PRRT4: variants seen among roughly 807,000 people sequenced by gnomAD.
PRRT4 encodes the protein proline-rich transmembrane protein 4.
A neutral mutation model predicts 55.6 loss-of-function variants in PRRT4; 59 were observed. That is an observed-to-expected ratio of 1.06 (90% CI 0.86 to 1.32). The LOEUF (loss-of-function observed/expected upper bound fraction) is 1.32, where lower values mean the gene tolerates loss of function less well. Ranked by LOEUF, PRRT4 falls within the 40% of genes most tolerant of loss-of-function variation. PRRT4 has a pLI of 0.00. For synonymous variants in PRRT4, 606 were observed against 601.8 expected (o/e 1.01, Z -0.10); for missense variants, 1,217 against 1,222.0 (o/e 1.00, Z 0.06).
exon 3 of PRRT4, chr7:128,359,161 A>T (rs1341011042): frequency 1.3e-6 from 2 of 1,551,748 alleles, no homozygotes; most frequent in East Asian, 2.4e-5. Context: ...AGAGAACCCG[A>T]AACTCCAGAG....
Position 128,351,175 on chromosome 7 carries a change from G to GC in PRRT4, c.2380dup (p.Ala794GlyfsTer75), listed in dbSNP as rs1331835764. The GC allele has an allele frequency of 6.5e-7, 1 of 1,544,362 alleles. No individual in the cohort carries two copies. The highest frequency in any genetic ancestry group is 2.0e-5 in the Admixed American group (1 of 50,970). The stretch of plus-strand genomic sequence containing the variant: ...TGAGACGCTGCTGCCTGCGGGCCAA[G>GC]CCCCAGGGGAGGGGAGCTCCGGGGG... On this transcript the variant is annotated frameshift_variant, in exon 5 of 5. Transcript: ENST00000535159. LOFTEE classifies it high-confidence loss of function.
In PRRT4 at chr7:128,355,818, T is replaced by C. The variant is rs1021146474; in HGVS notation, c.877+2863A>G. Among the ~76,000 whole-genome samples the C allele has an allele frequency of 2.6e-5, 4 of 152,150 alleles. No homozygotes were observed. The East Asian group carries it at 7.7e-4, about 29-fold the overall frequency. Reference sequence around the variant, plus strand: ...AGCCTGTCACCCCCTTACCACACCCTCTTTATTCACTGTACAGGTAAGTGC... The same window carrying C: ...AGCCTGTCACCCCCTTACCACACCCCCTTTATTCACTGTACAGGTAAGTGC... On this transcript the variant is annotated intron_variant, in intron 4 of 4. Coordinates refer to ENST00000535159, the Ensembl canonical transcript of PRRT4.
rs1006898792 is a variant in PRRT4, at chr7:128,351,077, G to A, written c.2479C>T (p.Arg827Cys). The change falls in exon 5 of 5, where the codon CGC becomes TGC. Residue 827 changes from arginine to cysteine, a missense_variant. Arg to Cys is a radical substitution (Grantham distance 180). Coordinates refer to ENST00000535159, the Ensembl canonical transcript of PRRT4. ...CTGAGGACGCAGACCAGAGGGCAGCGCGGGGGCCTGTCGGGGCTGGAACAC... is the reference window on the plus strand; with the variant it reads ...CTGAGGACGCAGACCAGAGGGCAGCACGGGGGCCTGTCGGGGCTGGAACAC... 3 of 1,549,038 alleles carry A rather than the reference G, an allele frequency of 1.9e-6. No homozygotes were observed. The African/African-American group carries it at 4.1e-5, about 21-fold the overall frequency.
chr7:128,351,439 G>A (rs773454660), exon 5 of PRRT4: 1 of 1,525,306 alleles, frequency 6.6e-7, no homozygotes, highest in East Asian at 2.5e-5. Flanking sequence ...AGCCGGGGAC[G>A]GGGCCGGGTT....
At chr7:128,359,409 GATGCCCAAGCGTGGGGGCTGC>G in exon 2 of PRRT4, 1 of 1,465,846 alleles carries the variant, frequency 6.8e-7, no homozygotes, top group Non-Finnish European at 9.0e-7. Flanking sequence ...GGCAGCGTTC[GATGCCCAAGCGTGGGGGCTGC>G]ACCTGCTCTC....
chr7:128,352,341 C>T (rs529910754), exon 5 of PRRT4: 16 of 1,540,198 alleles, frequency 1.0e-5, no homozygotes, highest in African/African-American at 1.4e-5. Context: ...CCGACAGCAG[C>T]AGCAGGTCCA....
exon 2 of PRRT4, chr7:128,359,953 G>A: frequency 1.4e-6 from 2 of 1,439,498 alleles, no homozygotes; most frequent in Non-Finnish European, 1.8e-6. Flanking sequence ...ACAGGACGCA[G>A]CAGAACAGTC....
intron 4 of PRRT4, among the ~76,000 whole-genome samples, chr7:128,353,732 C>T (rs1005377567): frequency 1.3e-5 from 2 of 152,166 alleles, no homozygotes; most frequent in African/African-American, 4.8e-5. Flanking sequence ...TAGGAACTCC[C>T]AGGGAGAAAC....
At chr7:128,350,618 T>C, downstream of PRRT4, 1 of 617,850 alleles carries the variant, frequency 1.6e-6, no homozygotes, top group South Asian at 2.0e-5. Flanking sequence ...ATGGGACCCC[T>C]GCCAACCTAG....
intron 3 of PRRT4, 94 bp downstream of exon 4, chr7:128,359,055 A>G: frequency 7.4e-7 from 1 of 1,360,036 alleles, no homozygotes; most frequent in Non-Finnish European, 1.0e-6. Context: ...GCAATGCAAG[A>G]AAGTAAAAAA....
chr7:128,357,230 ACACACACTCTCTCTCT>A (rs1490878096), intron 4 of PRRT4, among the ~76,000 whole-genome samples: 9 of 121,634 alleles, frequency 7.4e-5, no homozygotes, highest in Non-Finnish European at 1.4e-4. Flanking sequence ...ACACACACAC[ACACACACTCTCTCTCT>A]CTCTCTCTCT....
At chr7:128,354,420 C>T (rs1797066873) in intron 4 of PRRT4, among the ~76,000 whole-genome samples, 1 of 152,130 alleles carries the variant, frequency 6.6e-6, no homozygotes, top group Admixed American at 6.5e-5. Flanking sequence ...AAAAATTAGC[C>T]AGGCGTGGTG....
intron 1 of PRRT4, among the ~76,000 whole-genome samples, chr7:128,360,702 C>T (rs1231844902): frequency 6.6e-6 from 1 of 152,162 alleles, no homozygotes; most frequent in Admixed American, 6.5e-5. Flanking sequence ...GGCCTGTTCC[C>T]TTCCCTAGGA....
At chr7:128,351,120 G>A in exon 5 of PRRT4, 2 of 1,548,180 alleles carry the variant, frequency 1.3e-6, no homozygotes, top group Non-Finnish European at 8.7e-7. Flanking sequence ...TGGACGAGCT[G>A]TCCCGCGAGA....
chr7:128,351,865 G>T, exon 5 of PRRT4: 1 of 1,334,752 alleles, frequency 7.5e-7, no homozygotes. Context: ...GAAGGTGCCC[G>T]CCACCGGGGC....
Position 128,358,854 on chromosome 7 carries a change from C to T in PRRT4, c.758-54G>A. ...GCCACCCCACCAACCAGCCTTGCCT[C>T]TGGGAGTTTGGAGAAAATTATGTCC... On this transcript the variant is annotated intron_variant, in intron 3 of 4. Coordinates refer to ENST00000535159, the Ensembl canonical transcript of PRRT4. The surrounding 1 kb of genome is among the most constrained non-coding windows in gnomAD (Gnocchi z 4.4). 1 of 1,480,722 alleles carries T rather than the reference C, an allele frequency of 6.8e-7. No individual in the cohort carries two copies. Among genetic ancestry groups the T allele is most frequent in the Non-Finnish European group, 8.9e-7 (1 of 1,119,222 alleles). 91.7% of individuals were successfully genotyped at this position (1,480,722 alleles called of 1,614,324 possible). A position where few individuals can be genotyped will look rare whatever the true frequency, so the allele number is the denominator to read the frequency against.
chr7:128,359,703 G>T, exon 2 of PRRT4: 2 of 1,551,532 alleles, frequency 1.3e-6, no homozygotes, highest in South Asian at 2.4e-5. Flanking sequence ...TCCCAAAGGG[G>T]GTCAGTCCTC....
chr7:128,354,746 C>G (rs1797078414), intron 4 of PRRT4, among the ~76,000 whole-genome samples: 1 of 152,152 alleles, frequency 6.6e-6, no homozygotes, highest in African/African-American at 2.4e-5. Flanking sequence ...CTGGGGAGGG[C>G]AGAAAGGAAG....
rs895005608 is a variant in PRRT4, at chr7:128,351,769, G to A, written c.1787C>T (p.Pro596Leu). ...CAGGCCTAGCTGGAAGGCCCACCAG[G>A]GCCAGGGCCCTTCCAGGCCGGATTG... The change falls in exon 5 of 5, where the codon CCC (proline) becomes CTC (leucine). Residue 596 changes from proline to leucine, a missense_variant. Transcript: ENST00000535159. 4.2e-6 allele frequency: 6 copies of A among 1,437,192 alleles called. No homozygotes were observed. In the African/African-American group the frequency reaches 7.5e-5, roughly 18 times the overall value. The allele number at this position is 1,437,192 out of a possible 1,614,324, so 89.0% of individuals were successfully genotyped here.
Sources: allele counts gnomAD v4.1 joint callset (sites outside exome capture counted in the v4.1 genomes callset), GRCh38; gene constraint gnomAD v4.1.1; non-coding constraint Gnocchi (gnomAD v3.1); transcripts MANE v1.5; gene names NCBI Gene and HGNC (gene_info 2026-07-23, HGNC 2026-07-21).